The following CRACD variants were observed in gnomAD, a reference collection of about 807,000 sequenced individuals.
CRACD encodes capping protein-inhibiting regulator of actin dynamics.
Under a neutral mutation model 106.8 loss-of-function variants are expected in CRACD, and 56 were observed. The observed-to-expected ratio is 0.52, with a 90% CI of 0.42 to 0.66. The LOEUF is 0.66. Ranked by LOEUF, CRACD falls within the 30% of genes least tolerant of loss-of-function variation. CRACD has a pLI of 0.00. For missense variants in CRACD, 1,730 were observed against 1,623.2 expected, an observed-to-expected ratio of 1.07 and a Z score of -1.13; for synonymous variants, 754 against 670.8, an observed-to-expected ratio of 1.12 and a Z score of -1.92.
intron 1 of CRACD, among the ~76,000 whole-genome samples, chr4:56,150,681 C>T (rs1190661427): frequency 6.6e-6 from 1 of 152,172 alleles, no homozygotes; most frequent in Non-Finnish European, 1.5e-5. Context: ...TTCAACATTG[C>T]ATTTGACATC....
chr4:56,275,313 G>A (rs768141236), intron 3 of CRACD, among the ~76,000 whole-genome samples: 3 of 152,138 alleles, frequency 2.0e-5, no homozygotes, highest in Non-Finnish European at 4.4e-5. Flanking sequence ...AACACAGCAA[G>A]GTGTGGCAGC....
chr4:56,133,077 G>A lies in CRACD; in HGVS notation c.-335-46207G>A, dbSNP rs1027956360. On this transcript the variant is annotated intron_variant, in intron 1 of 10. Coordinates refer to ENST00000682029, the MANE Select transcript of CRACD (RefSeq NM_001393381.1). ...GATTGCCCTTGTAGTTTGCACCCTC[G>A]CTGAGTCACTATTTCAGAACTCTTT... Among the ~76,000 whole-genome samples, 7 of 152,082 alleles carry A rather than the reference G, an allele frequency of 4.6e-5. No homozygotes were observed. In the East Asian group the frequency reaches 1.2e-3, roughly 25 times the overall value.
At chr4:56,313,530 C>G (rs547082529) in intron 7 of CRACD, 151 bp downstream of exon 7, 25 of 707,568 alleles carry the variant, frequency 3.5e-5, no homozygotes, top group African/African-American at 5.4e-5. Context: ...GGGGAATACA[C>G]AGGCCTGTTT....
At chr4:56,284,292 T>TAAAAAAAAAAAAAAAAAAAAAAAA (rs59270238) in intron 3 of CRACD, among the ~76,000 whole-genome samples, 1 of 45,484 alleles carries the variant, frequency 2.2e-5, no homozygotes, top group Non-Finnish European at 3.6e-5. Flanking sequence ...CATCCTAAAG[T>TAAAAAAAAAAAAAAAAAAAAAAAA]AAAAAAAAAA....
At position 56,315,719 on chromosome 4, in the gene CRACD, C is replaced by A; in HGVS notation, c.2217C>A (p.Ser739Arg). 2 of 1,614,208 alleles carry A rather than the reference C, an allele frequency of 1.2e-6. No homozygotes were observed. Among genetic ancestry groups the A allele is most frequent in the Non-Finnish European group, 1.7e-6 (2 of 1,180,038 alleles). ...GTGGCACGGAGACCTCCAAACAGAG[C>A]ACGGAAGCTGAAAGCATACGAAAAA... Reference protein sequence around the residue: ...SDGGTETSKQSTEAESIRKRP... With the variant: ...SDGGTETSKQRTEAESIRKRP... The change falls in exon 8 of 11, where the codon AGC becomes AGA. Residue 739 changes from serine to arginine, a missense_variant. This residue lies in a region of CRACD where 1,620 missense variants were observed against 1,481.6 expected (regional missense o/e 1.09). Transcript: ENST00000682029. The surrounding 1 kb of genome is among the most constrained non-coding windows in gnomAD (Gnocchi z 4.1).
intron 2 of CRACD, among the ~76,000 whole-genome samples, chr4:56,228,435 G>A (rs1035357637): frequency 6.6e-6 from 1 of 151,998 alleles, no homozygotes; most frequent in African/African-American, 2.4e-5. Context: ...ACATCTACCA[G>A]ACACATGTGC....
intron 3 of CRACD, among the ~76,000 whole-genome samples, chr4:56,282,574 A>T (rs892289757): frequency 1.9e-4 from 29 of 152,210 alleles, no homozygotes; most frequent in Non-Finnish European, 3.7e-4. Flanking sequence ...AGTCTGGAAG[A>T]CTTTCCAAGT....
intron 2 of CRACD, among the ~76,000 whole-genome samples, chr4:56,214,537 A>C (rs1349458625): frequency 6.6e-6 from 1 of 151,710 alleles, no homozygotes; most frequent in East Asian, 1.9e-4. Flanking sequence ...GGTTGCAGTC[A>C]GCTGAGATTG....
intron 2 of CRACD, among the ~76,000 whole-genome samples, chr4:56,241,773 G>A (rs1341919656): frequency 6.6e-6 from 1 of 152,136 alleles, no homozygotes. Flanking sequence ...GTGATCAGGC[G>A]ATCAAGGAAG....
At chr4:56,088,793 G>A (rs929145506) in intron 1 of CRACD, among the ~76,000 whole-genome samples, 1 of 150,134 alleles carries the variant, frequency 6.7e-6, no homozygotes, top group East Asian at 2.0e-4. Flanking sequence ...CAGCGTGAGC[G>A]TGGCTCACGA....
chr4:56,308,394 C>T (rs767901649), intron 5 of CRACD, among the ~76,000 whole-genome samples: 6 of 151,626 alleles, frequency 4.0e-5, no homozygotes, highest in Non-Finnish European at 7.4e-5. Flanking sequence ...CCTTAGACCT[C>T]TTAGGGAAAA....
Position 56,314,086 on chromosome 4 carries a change from A to G in CRACD, c.584A>G (p.Asp195Gly). Residue 195 changes from aspartate (D) to glycine (G), a missense_variant, in exon 8 of 11, where the codon GAC becomes GGC. This residue lies in a region of CRACD where 1,620 missense variants were observed against 1,481.6 expected (regional missense o/e 1.09). Coordinates refer to ENST00000682029, the MANE Select transcript of CRACD (RefSeq NM_001393381.1). The surrounding 1 kb of genome is among the most constrained non-coding windows in gnomAD (Gnocchi z 4.4). The stretch of plus-strand genomic sequence containing the variant: ...GGCCTTGAGAGTCGGCCCTGCCTGG[A>G]CCAGAACGGACACCCAGGCGAGGAC... Reference protein sequence around the residue: ...QGGLESRPCLDQNGHPGEDKP... With the variant: ...QGGLESRPCLGQNGHPGEDKP... 3 of 1,614,156 alleles carry G rather than the reference A, an allele frequency of 1.9e-6. No individual in the cohort carries two copies. The highest frequency in any genetic ancestry group is 1.6e-4 in the Middle Eastern group (1 of 6,062).
chr4:56,209,278 C>T (rs982608586), intron 2 of CRACD, among the ~76,000 whole-genome samples: 1 of 152,092 alleles, frequency 6.6e-6, no homozygotes, highest in African/African-American at 2.4e-5. Context: ...TTTGAAACAA[C>T]CTTTAAGTAA....
At chr4:56,099,797 C>T (rs779210931) in intron 1 of CRACD, among the ~76,000 whole-genome samples, 6 of 152,154 alleles carry the variant, frequency 3.9e-5, no homozygotes, top group Admixed American at 2.0e-4. Context: ...TCTGAAACTG[C>T]GACATCTCTC....
intron 1 of CRACD, among the ~76,000 whole-genome samples, chr4:56,131,693 A>T (rs1020200981): frequency 1.4e-4 from 21 of 152,100 alleles, no homozygotes; most frequent in African/African-American, 4.1e-4. Flanking sequence ...AATTTTTTTC[A>T]TGTTGTAGAA....
chr4:56,216,444 A>T (rs909653612), intron 2 of CRACD, among the ~76,000 whole-genome samples: 17 of 152,314 alleles, frequency 1.1e-4, no homozygotes, highest in African/African-American at 3.4e-4. Context: ...AATGATGTGT[A>T]TTGAAGATAC....
chr4:56,226,320 G>A (rs1022270477), intron 2 of CRACD, among the ~76,000 whole-genome samples: 4 of 152,120 alleles, frequency 2.6e-5, no homozygotes, highest in Non-Finnish European at 5.9e-5. Context: ...TTGTGAGATT[G>A]GTGGTTGATT....
chr4:56,311,711 A>G (rs1745170973), intron 6 of CRACD: 1 of 152,212 alleles, frequency 6.6e-6, no homozygotes. Flanking sequence ...CATATAGAAG[A>G]TAATTGCAAA....
chr4:56,074,904 G>A (rs1732784714), intron 1 of CRACD, among the ~76,000 whole-genome samples: 1 of 152,148 alleles, frequency 6.6e-6, no homozygotes, highest in African/African-American at 2.4e-5. Flanking sequence ...AAGGGGTATT[G>A]AATTTTATCG....
Sources: allele counts gnomAD v4.1 joint callset (sites outside exome capture counted in the v4.1 genomes callset), GRCh38; gene constraint gnomAD v4.1.1; regional missense constraint gnomAD v4.1.1; non-coding constraint Gnocchi (gnomAD v3.1); transcripts MANE v1.5; gene names NCBI Gene and HGNC (gene_info 2026-07-23, HGNC 2026-07-21).